DNAH12: variants seen among roughly 807,000 people sequenced by gnomAD.
The protein encoded by DNAH12 is dynein axonemal heavy chain 12.
In DNAH12, 285 loss-of-function variants were observed where a neutral mutation model predicts 371.5. That is an observed-to-expected ratio of 0.77 (90% CI 0.70 to 0.85). DNAH12 has a LOEUF of 0.85. DNAH12 is among the 40% of genes least tolerant of loss of function. The pLI is 0.00. For synonymous variants in DNAH12, 1,200 were observed against 1,213.0 expected, an observed-to-expected ratio of 0.99 and a Z score of 0.22; for missense variants, 3,611 against 3,689.4, an observed-to-expected ratio of 0.98 and a Z score of 0.55.
At chr3:57,360,214 T>C (rs1469490538) in intron 58 of DNAH12, among the ~76,000 whole-genome samples, 2 of 152,068 alleles carry the variant, frequency 1.3e-5, no homozygotes, top group African/African-American at 4.8e-5. Context: ...TCAGCCATGG[T>C]CCCAGACTGG....
chr3:57,402,419 G>T (rs903035688), intron 43 of DNAH12: 4 of 1,304,942 alleles, frequency 3.1e-6, no homozygotes, highest in Non-Finnish European at 4.0e-6. Context: ...CACCGGGACA[G>T]CAATAAAGCT....
chr3:57,445,071 A>G (rs1205906139), intron 28 of DNAH12, 103 bp downstream of exon 28: 10 of 1,325,168 alleles, frequency 7.5e-6, no homozygotes, highest in Non-Finnish European at 8.1e-6. Context: ...TGAAAAGACA[A>G]AGCTCAACCC....
At chr3:57,435,373 C>CAAAAAAAA (rs34515598) in intron 30 of DNAH12, among the ~76,000 whole-genome samples, 18 of 94,736 alleles carry the variant, frequency 1.9e-4, no homozygotes, top group South Asian at 3.7e-4. Context: ...CTCTGTCTCC[C>CAAAAAAAA]AAAAAAAAAA....
chr3:57,450,084 C>T (rs370105592), intron 25 of DNAH12, among the ~76,000 whole-genome samples: 14 of 152,154 alleles, frequency 9.2e-5, no homozygotes, highest in African/African-American at 3.1e-4. Context: ...CCTGTCTCTA[C>T]GAAAAATACA....
At chr3:57,535,414 G>A (rs1005648160) in intron 2 of DNAH12, among the ~76,000 whole-genome samples, 5 of 152,182 alleles carry the variant, frequency 3.3e-5, no homozygotes, top group Admixed American at 1.3e-4. Context: ...CTCTCACCAT[G>A]TGATGCTTTC....
rs2063090876 is a variant in DNAH12, at chr3:57,368,106, C to T, written c.8914G>A (p.Val2972Ile). The T allele has an allele frequency of 6.6e-6, 1 of 152,202 alleles. No homozygotes were observed. The highest frequency in any genetic ancestry group is 6.5e-5 in the Admixed American group (1 of 15,276). 9.4% of individuals were successfully genotyped at this position (152,202 alleles called of 1,614,324 possible). The change falls in exon 56 of 74, where the codon GTT becomes ATT. Residue 2972 changes from valine (V) to isoleucine (I), a missense_variant. Physicochemically the swap from Val to Ile is conservative, Grantham distance 29 (BLOSUM62 3). Transcript: ENST00000495027. ...AAAGATGGATCCAGTTCTTCACCAA[C>T]ATTTTCTAATAGAAGTGGAGTTCCA... is the stretch of plus-strand genomic sequence containing the variant. ...QFGTPLLLEN[V>I]GEELDPSLEP...
intron 39 of DNAH12, among the ~76,000 whole-genome samples, chr3:57,411,014 CTAGCAA>C (rs1201643969): frequency 6.6e-6 from 1 of 151,582 alleles, no homozygotes; most frequent in Non-Finnish European, 1.5e-5. Flanking sequence ...ATACTAAGGG[CTAGCAA>C]TAAGATGAAA....
intron 25 of DNAH12, among the ~76,000 whole-genome samples, chr3:57,448,009 T>G (rs1265321026): frequency 6.6e-6 from 1 of 152,202 alleles, no homozygotes; most frequent in Non-Finnish European, 1.5e-5. Context: ...TGCCATATTG[T>G]TAATGCCCAT....
At chr3:57,313,163 A>T (rs1480212593) in intron 66 of DNAH12, among the ~76,000 whole-genome samples, 1 of 152,200 alleles carries the variant, frequency 6.6e-6, no homozygotes, top group Non-Finnish European at 1.5e-5. Flanking sequence ...GCTAAAGCCT[A>T]CGCCTGTGAC....
chr3:57,451,232 T>G (rs1039997147), intron 25 of DNAH12, among the ~76,000 whole-genome samples: 2 of 152,264 alleles, frequency 1.3e-5, no homozygotes, highest in African/African-American at 4.8e-5. Flanking sequence ...TAATTTCACT[T>G]ACTCAGCACA....
chr3:57,462,241 GTGTTT>G (rs112691293), intron 18 of DNAH12, among the ~76,000 whole-genome samples: 103,576 of 150,402 alleles, frequency 0.69, 35,850 homozygotes, highest in South Asian at 0.8. Flanking sequence ...GGAGGAAAGA[GTGTTT>G]TGTTTTGTTT....
chr3:57,348,029 G>T (rs2062583805), intron 60 of DNAH12, among the ~76,000 whole-genome samples: 1 of 152,088 alleles, frequency 6.6e-6, no homozygotes, highest in African/African-American at 2.4e-5. Context: ...TTACCCAAAG[G>T]AGTTGAAAAC....
chr3:57,459,621 T>A lies in DNAH12; in HGVS notation c.2902A>T (p.Ile968Phe), dbSNP rs1046326454. ...GGATCTTTAGCACAAAACTTCATGA[T>A]ATCTCTCCAGTGTCTGTCTACTGTC... ...FQTVDRHWRD[I>F]MKFCAKDPKV... The change falls in exon 20 of 74, where the codon ATC (isoleucine) becomes TTC (phenylalanine). Residue 968 changes from isoleucine to phenylalanine, a missense_variant. Transcript: ENST00000495027. The A allele has an allele frequency of 1.3e-6, 2 of 1,517,844 alleles. No homozygotes were observed. Among genetic ancestry groups the A allele is most frequent in the African/African-American group, 2.8e-5 (2 of 72,384 alleles). The allele number at this position is 1,517,844 out of a possible 1,614,324, so 94.0% of individuals were successfully genotyped here. A position where few individuals can be genotyped will look rare whatever the true frequency, so the allele number is the denominator to read the frequency against.
At chr3:57,329,065 T>C (rs2153302569) in intron 62 of DNAH12, among the ~76,000 whole-genome samples, 1 of 148,720 alleles carries the variant, frequency 6.7e-6, no homozygotes, top group African/African-American at 2.5e-5. Context: ...TTAAAGAGGA[T>C]ACAAACAAAT....
intron 55 of DNAH12, among the ~76,000 whole-genome samples, chr3:57,369,226 A>AT (rs1248314277): frequency 1.5e-4 from 11 of 73,716 alleles, no homozygotes; most frequent in African/African-American, 2.0e-4. Flanking sequence ...CATTAAAAAA[A>AT]AAATATATAT....
intron 9 of DNAH12, among the ~76,000 whole-genome samples, chr3:57,503,713 ATG>A (rs1274808520): frequency 6.6e-6 from 1 of 152,174 alleles, no homozygotes; most frequent in East Asian, 1.9e-4. Context: ...CAAAGTAATT[ATG>A]CCAGAAAGCT....
intron 30 of DNAH12, among the ~76,000 whole-genome samples, chr3:57,435,289 T>C (rs113098229): frequency 0.15 from 21,597 of 147,012 alleles, 1,601 homozygotes; most frequent in South Asian, 0.21. Flanking sequence ...TGAGAATCAC[T>C]TGAACCCAGG....
intron 2 of DNAH12, among the ~76,000 whole-genome samples, chr3:57,532,114 T>C (rs766169477): frequency 6.6e-6 from 1 of 152,192 alleles, no homozygotes. Context: ...TAATTAAAAC[T>C]GCTATTAAAA....
intron 50 of DNAH12, among the ~76,000 whole-genome samples, chr3:57,380,980 ATTT>A (rs2063377794): frequency 6.6e-6 from 1 of 152,194 alleles, no homozygotes; most frequent in Non-Finnish European, 1.5e-5. Flanking sequence ...AAGAAAATAA[ATTT>A]TTATTACTTC....
Sources: allele counts gnomAD v4.1 joint callset (sites outside exome capture counted in the v4.1 genomes callset), GRCh38; gene constraint gnomAD v4.1.1; transcripts MANE v1.5; gene names NCBI Gene and HGNC (gene_info 2026-07-23, HGNC 2026-07-21).